Variants in PAN2 observed in about 807,000 individuals in gnomAD.
PAN2 encodes the protein poly(A) specific ribonuclease subunit PAN2.
A neutral mutation model predicts 133.3 loss-of-function variants in PAN2; 68 were observed. The ratio of observed to expected loss-of-function variants is 0.51; its 90% CI spans 0.42 to 0.62. The LOEUF (loss-of-function observed/expected upper bound fraction) is 0.62, where lower values mean the gene tolerates loss of function less well. Among genes scored for constraint, PAN2 ranks in the 20% least tolerant of loss-of-function variants. The pLI, the probability that PAN2 is intolerant of heterozygous loss-of-function variation, is 0.00. For synonymous variants in PAN2, 462 were observed against 544.6 expected (o/e 0.85, Z 2.11); for missense variants, 1,042 against 1,500.5 (o/e 0.69, Z 5.05).
intron 19 of PAN2, 57 bp downstream of exon 19, chr12:56,322,366 A>G: frequency 1.4e-6 from 2 of 1,412,614 alleles, no homozygotes; most frequent in Non-Finnish European, 2.0e-6. Context: ...AGCCCTAAAG[A>G]TAAGGATGCT....
At position 56,324,364 on chromosome 12, in the gene PAN2, T is replaced by A. The variant is rs886355232; in HGVS notation, c.1858A>T (p.Ile620Phe). ...ARLIQRWNRF[I>F]LTQLHQDMQE... ...ATATCTTGATGCAGTTGAGTGAGAA[T>A]GAAGCGATTCCACCTCTGAATGAGC... Residue 620 changes from isoleucine (I) to phenylalanine (F), a missense_variant, in exon 12 of 26, where the codon ATT (isoleucine) becomes TTT (phenylalanine). Transcript: ENST00000440411. The A allele has an allele frequency of 5.6e-6, 9 of 1,614,086 alleles. No homozygotes were observed. Among genetic ancestry groups the A allele is most frequent in the South Asian group, 1.1e-5 (1 of 91,094 alleles).
Position 56,326,361 on chromosome 12 carries a change from CA to C in PAN2, c.1310del (p.Val437GlyfsTer40). Reference protein sequence around the residue: ...DAEILRTMKKVGFIGYAPNPR... With the variant: ...DAEILRTMKKXGFIGYAPNPR... Reference sequence around the variant, plus strand: ...GATTGGGCGCATAGCCAATGAAGCCCACCTTCTTCATGGTGCGCAGAATCTC... The same window carrying C: ...GATTGGGCGCATAGCCAATGAAGCCCCCTTCTTCATGGTGCGCAGAATCTC... On this transcript the variant is annotated frameshift_variant, in exon 8 of 26. Coordinates refer to ENST00000440411, the MANE Select transcript of PAN2 (RefSeq NM_014871.6). LOFTEE classifies it high-confidence loss of function. 1 of 1,604,942 alleles carries C rather than the reference CA, an allele frequency of 6.2e-7. No individual in the cohort carries two copies. The highest frequency in any genetic ancestry group is 8.5e-7 in the Non-Finnish European group (1 of 1,174,108).
At chr12:56,317,762 T>C in intron 25 of PAN2, 119 bp from the exon 26 acceptor site, 1 of 799,118 alleles carries the variant, frequency 1.3e-6, no homozygotes, top group South Asian at 1.5e-5. Flanking sequence ...CTGAACATTT[T>C]AGACTTGGGC....
Position 56,323,448 on chromosome 12 carries a change from G to A in PAN2, c.2271+52C>T, listed in dbSNP as rs879623799. Reference sequence around the variant, plus strand: ...TAATCATATATGGAGGTCAGAAGGGGGATAAAATGAAAAATTATTCCGGAA... The same window carrying A: ...TAATCATATATGGAGGTCAGAAGGGAGATAAAATGAAAAATTATTCCGGAA... On this transcript the variant is annotated intron_variant, in intron 15 of 25. Coordinates refer to ENST00000440411, the MANE Select transcript of PAN2 (RefSeq NM_014871.6). The A allele has an allele frequency of 1.6e-5, 26 of 1,607,694 alleles. No individual in the cohort carries two copies. In the Admixed American group the frequency reaches 3.2e-4, roughly 20 times the overall value.
chr12:56,322,877 C>T, intron 17 of PAN2, 119 bp from the exon 18 acceptor site: 2 of 1,262,760 alleles, frequency 1.6e-6, no homozygotes, highest in Non-Finnish European at 2.2e-6. Context: ...GGGTTATCTC[C>T]ATCCTAGCCC....
chr12:56,327,161 C>T (rs1416775418), intron 6 of PAN2, among the ~76,000 whole-genome samples: 1 of 152,242 alleles, frequency 6.6e-6, no homozygotes, highest in Non-Finnish European at 1.5e-5. Flanking sequence ...ATTTTGCCTA[C>T]TTTATCTTTA....
At chr12:56,323,461 A>G (rs1259764292) in intron 15 of PAN2, 39 bp downstream of exon 15, 1 of 1,609,996 alleles carries the variant, frequency 6.2e-7, no homozygotes. Flanking sequence ...TAAAATGAAA[A>G]ATTATTCCGG....
intron 6 of PAN2, 108 bp from the exon 7 acceptor site, chr12:56,327,067 T>C: frequency 1.1e-6 from 1 of 948,902 alleles, no homozygotes; most frequent in East Asian, 2.6e-5. Context: ...GGGCCCCAAA[T>C]CCATGCCTAG....
chr12:56,325,562 T>G, intron 8 of PAN2, 108 bp from the exon 9 acceptor site: 5 of 1,168,496 alleles, frequency 4.3e-6, no homozygotes, highest in Non-Finnish European at 6.2e-6. Flanking sequence ...CCTTCTATAT[T>G]CATAGCACTC....
In PAN2 at chr12:56,332,003, G is replaced by A. The variant is rs527587183; in HGVS notation, c.282+810C>T. 2.4e-4 allele frequency among the ~76,000 whole-genome samples: 37 copies of A among 152,214 alleles called. 1 individual carries two copies. The highest frequency in any genetic ancestry group is 2.4e-3 in the Admixed American group (37 of 15,292). On this transcript the variant is annotated intron_variant, in intron 2 of 25. Transcript: ENST00000440411. ...GCTGGGATTACAGGAGTGAGCCACC[G>A]GTCCCGGCCGGACAGCACAGTATTT...
At chr12:56,325,605 G>T in intron 8 of PAN2, 151 bp from the exon 9 acceptor site, 1 of 831,730 alleles carries the variant, frequency 1.2e-6, no homozygotes, top group Non-Finnish European at 1.9e-6. Flanking sequence ...TATTTCCACT[G>T]CCATCACTCT....
intron 20 of PAN2, among the ~76,000 whole-genome samples, chr12:56,321,013 A>T (rs1874448752): frequency 1.3e-5 from 2 of 150,040 alleles, no homozygotes; most frequent in Admixed American, 1.3e-4. Flanking sequence ...GCAGTGAGCC[A>T]AAATTGTGCC....
intron 2 of PAN2, among the ~76,000 whole-genome samples, chr12:56,330,059 G>A (rs528181436): frequency 6.6e-6 from 1 of 151,974 alleles, no homozygotes; most frequent in East Asian, 1.9e-4. Flanking sequence ...ATATCTACAT[G>A]GCTCCTTCCC....
chr12:56,325,344 T>C lies in PAN2; in HGVS notation c.1470A>G (p.Lys490=), dbSNP rs765863666. The change falls in exon 9 of 26, where the codon AAA becomes AAG. Residue 490 remains lysine, a synonymous_variant. Transcript: ENST00000440411. ...EEPHLHMVSK[K]YRKVTIKYSK... ...TGATGTCCCCCAGCACCTTGCGGTA[T>C]TTCTTAGAAACCATGTGGAGATGTG... 1.2e-6 allele frequency: 2 copies of C among 1,614,152 alleles called. No individual in the cohort carries two copies. Among genetic ancestry groups the C allele is most frequent in the South Asian group, 1.1e-5 (1 of 91,072 alleles).
In PAN2 at chr12:56,333,038, A is replaced by T. The variant is rs1876090249; in HGVS notation, c.57T>A (p.Ser19=). 1 of 1,614,090 alleles carries T rather than the reference A, an allele frequency of 6.2e-7. No homozygotes were observed. The highest frequency in any genetic ancestry group is 8.5e-7 in the Non-Finnish European group (1 of 1,180,034). Residue 19 remains serine, a synonymous_variant, in exon 2 of 26, where the codon TCT becomes TCA. Coordinates refer to ENST00000440411, the MANE Select transcript of PAN2 (RefSeq NM_014871.6). ...GGGCATCCAAGACAGGGTCCAGGGC[A>T]GAATGCATGGCTGGGGCATATTCTG... The part of the protein sequence containing the change: ...GLAEYAPAMH[S]ALDPVLDAHL...
chr12:56,326,613 C>T lies in PAN2; in HGVS notation c.1262+4G>A. On this transcript the variant is annotated splice_donor_region_variant and intron_variant, in intron 7 of 25. Coordinates refer to ENST00000440411, the MANE Select transcript of PAN2 (RefSeq NM_014871.6). ...CGCCTTTTGGCCCAGAGGTAGGGTA[C>T]AACCTGGGAGCTGGAGCAGAGTTGG... The T allele has an allele frequency of 6.2e-7, 1 of 1,609,178 alleles. No individual in the cohort carries two copies.
rs1474969781 is a variant in PAN2, at chr12:56,323,075, C to G, written c.2480G>C (p.Gly827Ala). 6.2e-7 allele frequency: 1 copy of G among 1,614,136 alleles called. No individual in the cohort carries two copies. Among genetic ancestry groups the G allele is most frequent in the South Asian group, 1.1e-5 (1 of 91,084 alleles). ...KGLDVCNWTD[G>A]DEMQWGPARA... ...TTTTTCAACAACCTGCATCTCATCC[C>G]CATCAGTCCAATTGCAAACATCCAG... Residue 827 changes from glycine to alanine, a missense_variant, in exon 17 of 26, where the codon GGG (glycine) becomes GCG (alanine). Physicochemically the swap from Gly to Ala is moderately conservative, Grantham distance 60. This residue lies in a region of PAN2 where 908 missense variants were observed against 1,223.5 expected (regional missense o/e 0.74). Transcript: ENST00000440411.
At chr12:56,326,281 G>A in intron 8 of PAN2, 32 bp downstream of exon 8, 1 of 1,538,024 alleles carries the variant, frequency 6.5e-7, no homozygotes, top group Non-Finnish European at 8.8e-7. Flanking sequence ...CAGTGGGCCG[G>A]GGTCGGGGCT....
Position 56,328,417 on chromosome 12 carries a change from C to T in PAN2, c.452+55G>A, listed in dbSNP as rs891127442. 36 of 1,604,608 alleles carry T rather than the reference C, an allele frequency of 2.2e-5. 1 individual carries two copies. In the South Asian group the frequency reaches 3.7e-4, roughly 16 times the overall value. On this transcript the variant is annotated intron_variant, in intron 3 of 25. Transcript: ENST00000440411. ...CCTTACAAGCTGCCAATCCCTTAGC[C>T]TTCCCACCCTATGAGGCATCCTCGT...
Sources: gnomAD v4.1 joint callset for allele counts (sites outside exome capture counted in the v4.1 genomes callset) on GRCh38, gnomAD v4.1.1 for gene constraint, gnomAD v4.1.1 regional missense constraint, MANE v1.5 for transcripts, NCBI Gene and HGNC (gene_info 2026-07-23, HGNC 2026-07-21) for gene names.